Variants in JAK3 observed in about 807,000 individuals in gnomAD.
The protein encoded by JAK3 is Janus kinase 3, also known as tyrosine-protein kinase JAK3.
In JAK3, 88 loss-of-function variants were observed where a neutral mutation model predicts 120.8. The observed-to-expected ratio is 0.73, with a 90% CI of 0.61 to 0.87. JAK3 has a LOEUF of 0.87. Ranked by LOEUF, JAK3 falls within the 40% of genes least tolerant of loss-of-function variation. The probability of loss-of-function intolerance (pLI) is 0.00; values close to 1 mark genes in which losing one functional copy is unlikely to be tolerated. For missense variants in JAK3, 1,254 were observed against 1,501.4 expected (o/e 0.84, Z 2.72); for synonymous variants, 592 against 628.6 (o/e 0.94, Z 0.87).
chr19:17,826,988 T>C lies in JAK3; in HGVS notation c.3208-78A>G. 2 of 1,512,470 alleles carry C rather than the reference T, an allele frequency of 1.3e-6. 1 individual carries two copies. Among genetic ancestry groups the C allele is most frequent in the South Asian group, 2.4e-5 (2 of 83,692 alleles). The allele number at this position is 1,512,470 out of a possible 1,614,324, so 93.7% of individuals were successfully genotyped here. A position where few individuals can be genotyped will look rare whatever the true frequency, so the allele number is the denominator to read the frequency against. On this transcript the variant is annotated intron_variant, in intron 23 of 23. Coordinates refer to ENST00000458235, the MANE Select transcript of JAK3 (RefSeq NM_000215.4). The stretch of plus-strand genomic sequence containing the variant: ...CAACTCCCATTCAGCGTATTTGTTT[T>C]TGTTTTTTTGAGACGGAGTCTAGCT...
At chr19:17,839,706 ACT>A (rs2094233114) in intron 9 of JAK3, 43 bp from the exon 10 acceptor site, 2 of 1,432,156 alleles carry the variant, frequency 1.4e-6, no homozygotes, top group South Asian at 1.2e-5. Flanking sequence ...AGCGACAGAC[ACT>A]CTCCTTCTCA....
rs1344298949 is a variant in JAK3, at chr19:17,837,361, C to T, written c.1702-148G>A. ...TCTGCCATTAGTGCACACAGCACTA[C>T]CATGATTTTCTGATACGGGACAGAA... On this transcript the variant is annotated intron_variant, in intron 12 of 23. Transcript: ENST00000458235. 5 of 700,472 alleles carry T rather than the reference C, an allele frequency of 7.1e-6. No homozygotes were observed. The Admixed American group carries it at 1.0e-4, about 14-fold the overall frequency. The allele number at this position is 700,472 out of a possible 1,614,324, so 43.4% of individuals were successfully genotyped here.
Position 17,842,337 on chromosome 19 carries a change from G to A in JAK3, c.840C>T (p.Ala280=). 1 of 1,583,814 alleles carries A rather than the reference G, an allele frequency of 6.3e-7. No homozygotes were observed. The stretch of plus-strand genomic sequence containing the variant: ...TCACCTCCTGTTCTCCCTGGGTCCA[G>A]GCGATGCCGCCGTCACCAGCCACGC... ...LLRVAGDGGI[A]WTQGEQEVLQ... The change falls in exon 6 of 24, where the codon GCC becomes GCT. Residue 280 remains alanine, a synonymous_variant. Transcript: ENST00000458235. This position sits in a 1 kb window ranked among gnomAD's most constrained non-coding sequence, Gnocchi z 6.4.
chr19:17,829,356 A>G (rs1049913690), intron 23 of JAK3, among the ~76,000 whole-genome samples: 2 of 152,056 alleles, frequency 1.3e-5, no homozygotes, highest in Non-Finnish European at 2.9e-5. Context: ...ACAGGGTGTC[A>G]CCATGTTGGC....
intron 23 of JAK3, among the ~76,000 whole-genome samples, chr19:17,829,565 C>T (rs1267648041): frequency 6.6e-6 from 1 of 152,108 alleles, no homozygotes; most frequent in Non-Finnish European, 1.5e-5. Flanking sequence ...CAAGACCAGC[C>T]TGGGCAATAT....
rs950464687 is a variant in JAK3, at chr19:17,832,000, T to G, written c.2681-202A>C. On this transcript the variant is annotated intron_variant, in intron 19 of 23. Transcript: ENST00000458235. The surrounding 1 kb of genome is among the most constrained non-coding windows in gnomAD (Gnocchi z 5.1). ...GATGTGTTTATATATCACGGCCAGGTGCAGTGGCTCACGCCTGTAATCCCA... is the reference window on the plus strand; with the variant it reads ...GATGTGTTTATATATCACGGCCAGGGGCAGTGGCTCACGCCTGTAATCCCA... Among the ~76,000 whole-genome samples the G allele has an allele frequency of 1.3e-5, 2 of 152,216 alleles. No homozygotes were observed. Among genetic ancestry groups the G allele is most frequent in the African/African-American group, 4.8e-5 (2 of 41,458 alleles).
rs2094221392 is a variant in JAK3 at position 17,834,974 on chromosome 19, G to A, written c.2077C>T (p.Pro693Ser). Residue 693 changes from proline (P) to serine (S), a missense_variant, in exon 16 of 24, where the codon CCC (proline) becomes TCC (serine). Pro to Ser is a moderately conservative substitution (Grantham distance 74, BLOSUM62 -1). Coordinates refer to ENST00000458235, the MANE Select transcript of JAK3 (RefSeq NM_000215.4). ...GTCTGCGCCTCCCGGAGACACTCGG[G>A]GGCCACCCAGGGGATCCTGTCGGTG... ...MLTDRIPWVA[P>S]ECLREAQTLS... is the part of the protein sequence containing the mutation. 6.2e-7 allele frequency: 1 copy of A among 1,614,190 alleles called. No individual in the cohort carries two copies. The highest frequency in any genetic ancestry group is 8.5e-7 in the Non-Finnish European group (1 of 1,180,032).
chr19:17,836,134 G>T, intron 13 of JAK3, 83 bp from the exon 14 acceptor site: 1 of 1,540,396 alleles, frequency 6.5e-7, no homozygotes, highest in Non-Finnish European at 8.9e-7. Flanking sequence ...CTGGCTCTCA[G>T]GGTCTCTCAA....
chr19:17,828,687 C>A (rs1272728354), intron 23 of JAK3, among the ~76,000 whole-genome samples: 1 of 152,126 alleles, frequency 6.6e-6, no homozygotes, highest in Admixed American at 6.6e-5. Flanking sequence ...TCGTGCCCAG[C>A]CTAGAATGTT....
rs1417038871 is a variant in JAK3, at chr19:17,841,610, G to A, written c.984+30C>T. 6.2e-7 allele frequency: 1 copy of A among 1,613,292 alleles called. No homozygotes were observed. The highest frequency in any genetic ancestry group is 1.7e-5 in the Admixed American group (1 of 59,938). ...GGTGCCGGTCCCGCCCTCGGGGTAA[G>A]GCTGAAGGGGAGGGGAATCCTGCAC... On this transcript the variant is annotated intron_variant, in intron 7 of 23. Transcript: ENST00000458235. The surrounding 1 kb of genome is among the most constrained non-coding windows in gnomAD (Gnocchi z 4.1).
At chr19:17,828,225 CTTTGTTT>C (rs1303877588) in intron 23 of JAK3, among the ~76,000 whole-genome samples, 1 of 137,442 alleles carries the variant, frequency 7.3e-6, no homozygotes, top group East Asian at 2.2e-4. Context: ...ATAATTTTGT[CTTTGTTT>C]TGTTTTGTTT....
rs2094243416 is a variant in JAK3 at position 17,842,926 on chromosome 19, C to T, written c.566+101G>A. ...CTGGGTCATAGGAACACCCTGAAAGCTTGCAGGAGAACTCCATGGTGGGAG... is the reference window on the plus strand; with the variant it reads ...CTGGGTCATAGGAACACCCTGAAAGTTTGCAGGAGAACTCCATGGTGGGAG... On this transcript the variant is annotated intron_variant, in intron 5 of 23. Coordinates refer to ENST00000458235, the MANE Select transcript of JAK3 (RefSeq NM_000215.4). This position sits in a 1 kb window ranked among gnomAD's most constrained non-coding sequence, Gnocchi z 6.4. The T allele has an allele frequency of 2.6e-6, 4 of 1,521,534 alleles. No homozygotes were observed. The highest frequency in any genetic ancestry group is 1.7e-5 in the Admixed American group (1 of 59,510). 94.3% of individuals were successfully genotyped at this position (1,521,534 alleles called of 1,614,324 possible).
In JAK3 at chr19:17,838,339, G is replaced by A. The variant is rs2147688829; in HGVS notation, c.1493C>T (p.Ser498Phe). The change falls in exon 11 of 24, where the codon TCC (serine) becomes TTC (phenylalanine). Residue 498 changes from serine to phenylalanine, a missense_variant. By Grantham distance (155) the Ser-to-Phe change is radical (BLOSUM62 -2). Transcript: ENST00000458235. Reference sequence around the variant, plus strand: ...GTATTGGGATTGGGGCTGAACCAAGGATGATGTGGGTGGGCTGTGACCTCT... The same window carrying A: ...GTATTGGGATTGGGGCTGAACCAAGAATGATGTGGGTGGGCTGTGACCTCT... ...VQRGHSPPTS[S>F]LVQPQSQYQL... The A allele has an allele frequency of 6.2e-7, 1 of 1,614,094 alleles. No homozygotes were observed. Among genetic ancestry groups the A allele is most frequent in the Non-Finnish European group, 8.5e-7 (1 of 1,180,006 alleles).
At position 17,829,424 on chromosome 19, in the gene JAK3, G is replaced by T. The variant is rs570000262; in HGVS notation, c.3207+684C>A. On this transcript the variant is annotated intron_variant, in intron 23 of 23. Coordinates refer to ENST00000458235, the MANE Select transcript of JAK3 (RefSeq NM_000215.4). ...TCTGACCGCCTCAGCCTTCAAAAGT[G>T]CTGGGTTTACAGGTGTGAGCCACCA... Among the ~76,000 whole-genome samples, 3 of 152,212 alleles carry T rather than the reference G, an allele frequency of 2.0e-5. No homozygotes were observed. The East Asian group carries it at 5.8e-4, about 30-fold the overall frequency.
Position 17,841,802 on chromosome 19 carries a change from G to T in JAK3, c.862-40C>A. ...GAGTACCGAAGTGGGGGCCCAGCTG[G>T]ACCCCGCCAAACCACGCCCATGAAC... On this transcript the variant is annotated intron_variant, in intron 6 of 23. Coordinates refer to ENST00000458235, the MANE Select transcript of JAK3 (RefSeq NM_000215.4). The surrounding 1 kb of genome is among the most constrained non-coding windows in gnomAD (Gnocchi z 4.1). 1 of 1,597,876 alleles carries T rather than the reference G, an allele frequency of 6.3e-7. No individual in the cohort carries two copies. Among genetic ancestry groups the T allele is most frequent in the Non-Finnish European group, 8.5e-7 (1 of 1,179,420 alleles).
In JAK3 at chr19:17,838,397, G is replaced by A. The variant is rs2147689180; in HGVS notation, c.1442-7C>T. ...ACGATCAGGTTGGACTTTTCTATGG[G>A]GAGAGGATGAGGGAGAAAAACCAGA... On this transcript the variant is annotated splice_region_variant and splice_polypyrimidine_tract_variant and intron_variant, in intron 10 of 23. Transcript: ENST00000458235. 1 of 1,614,132 alleles carries A rather than the reference G, an allele frequency of 6.2e-7. No individual in the cohort carries two copies. The highest frequency in any genetic ancestry group is 1.1e-5 in the South Asian group (1 of 91,080).
chr19:17,841,466 G>C lies in JAK3; in HGVS notation c.1065C>G (p.Ser355=). ...CCACCTCCTTGCAGAAGAAGTGCTG[G>C]GAGTCCGTGGTCAGCCGGAAGTAGC... ...VDGYFRLTTD[S]QHFFCKEVAP... Residue 355 remains serine, a synonymous_variant, in exon 8 of 24, where the codon TCC becomes TCG. Transcript: ENST00000458235. This position sits in a 1 kb window ranked among gnomAD's most constrained non-coding sequence, Gnocchi z 4.1. 1 of 1,559,364 alleles carries C rather than the reference G, an allele frequency of 6.4e-7. No individual in the cohort carries two copies. The highest frequency in any genetic ancestry group is 1.2e-5 in the South Asian group (1 of 85,038).
At chr19:17,840,999 G>GT (rs1797406747) in intron 8 of JAK3, among the ~76,000 whole-genome samples, 1 of 150,662 alleles carries the variant, frequency 6.6e-6, no homozygotes, top group East Asian at 2.0e-4. Flanking sequence ...TTCTTTTTTT[G>GT]TAGAGATGGG....
intron 13 of JAK3, 22 bp downstream of exon 13, chr19:17,837,103 GGGGT>G (rs1216537521): frequency 7.5e-6 from 11 of 1,468,710 alleles, no homozygotes; most frequent in South Asian, 1.2e-5. Flanking sequence ...AGGCAGGGGT[GGGGT>G]GGGTGGGTGG....
Sources: gnomAD v4.1 joint callset for allele counts (sites outside exome capture counted in the v4.1 genomes callset) on GRCh38, gnomAD v4.1.1 for gene constraint, Gnocchi (gnomAD v3.1) non-coding constraint, MANE v1.5 for transcripts, NCBI Gene and HGNC (gene_info 2026-07-23, HGNC 2026-07-21) for gene names.